Variants in STEAP4 observed in about 807,000 individuals in gnomAD.
STEAP4 encodes STEAP4 metalloreductase, also known as metalloreductase STEAP4.
STEAP4 carries 36 observed loss-of-function variants against 43.6 expected under a neutral mutation model. The observed-to-expected ratio is 0.83, with a 90% CI of 0.63 to 1.09. The LOEUF (loss-of-function observed/expected upper bound fraction) is 1.09. Ranked by LOEUF, STEAP4 falls within the 50% of genes least tolerant of loss-of-function variation. The pLI, the probability that STEAP4 is intolerant of heterozygous loss-of-function variation, is 0.00. For synonymous variants in STEAP4, 191 were observed against 196.7 expected, an observed-to-expected ratio of 0.97 and a Z score of 0.24; for missense variants, 495 against 546.5, an observed-to-expected ratio of 0.91 and a Z score of 0.94.
intron 4 of STEAP4, 29 bp downstream of exon 4, chr7:88,280,884 GAA>G: frequency 1.3e-6 from 2 of 1,506,404 alleles, no homozygotes; most frequent in Non-Finnish European, 8.9e-7. Flanking sequence ...GGAGCAAAAT[GAA>G]AAGTTAGGAA....
rs1053575081 is a variant in STEAP4, at chr7:88,278,241, T to C, written c.*1157A>G. The stretch of plus-strand genomic sequence containing the variant: ...GGGTACTATCAGCACAGAAAAACAG[T>C]GAGAACCATCCTAAATTTCAGCAAG... On this transcript the variant is annotated 3_prime_UTR_variant, in exon 5 of 5. Coordinates refer to ENST00000380079, the MANE Select transcript of STEAP4 (RefSeq NM_024636.4). 6.6e-6 allele frequency: 1 copy of C among 152,122 alleles called. No individual in the cohort carries two copies. The highest frequency in any genetic ancestry group is 6.6e-5 in the Admixed American group (1 of 15,262). 9.4% of individuals were successfully genotyped at this position (152,122 alleles called of 1,614,324 possible).
chr7:88,283,805 T>A lies in STEAP4; in HGVS notation c.456+9A>T. 2.5e-6 allele frequency: 4 copies of A among 1,600,864 alleles called. No homozygotes were observed. The highest frequency in any genetic ancestry group is 2.6e-6 in the Non-Finnish European group (3 of 1,172,642). On this transcript the variant is annotated intron_variant, in intron 2 of 4. Transcript: ENST00000380079. ...TTTAAAGATTGAGTGTAAATTTGTTTATTCTTACCTGCCGACTTGCATCCA... is the reference window on the plus strand; with the variant it reads ...TTTAAAGATTGAGTGTAAATTTGTTAATTCTTACCTGCCGACTTGCATCCA...
rs960609417 is a variant in STEAP4 at position 88,271,607 on chromosome 7, A to T, written c.*7791T>A. 1 of 152,238 alleles carries T rather than the reference A, an allele frequency of 6.6e-6. No homozygotes were observed. The highest frequency in any genetic ancestry group is 2.4e-5 in the African/African-American group (1 of 41,470). The allele number at this position is 152,238 out of a possible 1,614,324, so 9.4% of individuals were successfully genotyped here. On this transcript the variant is annotated 3_prime_UTR_variant, in exon 5 of 5. Coordinates refer to ENST00000380079, the MANE Select transcript of STEAP4 (RefSeq NM_024636.4). ...ATATTCTACTTTTACAATGTTATTC[A>T]TGAAAAACAAGAAAAACAAATAGCA...
At chr7:88,282,302 C>T (rs1436618689) in intron 3 of STEAP4, 1 of 229,588 alleles carries the variant, frequency 4.4e-6, no homozygotes, top group Admixed American at 5.4e-5. Flanking sequence ...GTACCCGCCA[C>T]CATGCCCAGC....
chr7:88,281,043 A>G lies in STEAP4; in HGVS notation c.1021T>C (p.Ser341Pro). The G allele has an allele frequency of 6.2e-7, 1 of 1,610,788 alleles. No homozygotes were observed. Among genetic ancestry groups the G allele is most frequent in the Non-Finnish European group, 8.5e-7 (1 of 1,178,976 alleles). The stretch of plus-strand genomic sequence containing the variant: ...ACATATGAATCACTGAGCCAGGCTG[A>G]GGAGGTGCTAAATGGATTCTCCTTC... ...LKKENPFSTS[S>P]AWLSDSYVAL... is the part of the protein sequence containing the mutation. The change falls in exon 4 of 5, where the codon TCA (serine) becomes CCA (proline). Residue 341 changes from serine (S) to proline (P), a missense_variant. Ser to Pro is a moderately conservative substitution (Grantham distance 74). Transcript: ENST00000380079.
chr7:88,280,778 G>A (rs895107565), intron 4 of STEAP4, 137 bp downstream of exon 4: 6 of 864,938 alleles, frequency 6.9e-6, no homozygotes, highest in Non-Finnish European at 1.8e-6. Context: ...ATCTTGGCGA[G>A]TATTAAGAAA....
intron 1 of STEAP4, among the ~76,000 whole-genome samples, chr7:88,289,946 T>C (rs1282163814): frequency 6.6e-6 from 1 of 152,224 alleles, no homozygotes; most frequent in Non-Finnish European, 1.5e-5. Context: ...GAACAATGCC[T>C]TCATTATTCT....
At chr7:88,295,373 G>T (rs1852907711) in intron 1 of STEAP4, among the ~76,000 whole-genome samples, 1 of 152,086 alleles carries the variant, frequency 6.6e-6, no homozygotes, top group Non-Finnish European at 1.5e-5. Context: ...CTCTGCAAAG[G>T]GTTACACTAG....
Position 88,279,191 on chromosome 7 carries a change from C to A in STEAP4, c.*207G>T. The stretch of plus-strand genomic sequence containing the variant: ...TAAGAGTCAGGGACCTGCACTGATT[C>A]TTCACTAACCTGAGATAAAATGGTG... On this transcript the variant is annotated 3_prime_UTR_variant, in exon 5 of 5. Transcript: ENST00000380079. The A allele has an allele frequency of 1.8e-6, 1 of 567,744 alleles. No individual in the cohort carries two copies. The highest frequency in any genetic ancestry group is 3.1e-6 in the Non-Finnish European group (1 of 319,248). The allele number at this position is 567,744 out of a possible 1,614,324, so 35.2% of individuals were successfully genotyped here. A position where few individuals can be genotyped will look rare whatever the true frequency, so the allele number is the denominator to read the frequency against.
chr7:88,282,340 G>T, intron 3 of STEAP4: 1 of 331,434 alleles, frequency 3.0e-6, no homozygotes, highest in Non-Finnish European at 5.5e-6. Flanking sequence ...GTAGAGATGG[G>T]GTTTCACCAT....
intron 1 of STEAP4, among the ~76,000 whole-genome samples, chr7:88,301,618 G>A (rs916236466): frequency 6.6e-6 from 1 of 150,868 alleles, no homozygotes; most frequent in Non-Finnish European, 1.5e-5. Flanking sequence ...GAGTGCGGTG[G>A]TGCCATCCTC....
At chr7:88,287,077 G>A (rs1852749574) in intron 1 of STEAP4, among the ~76,000 whole-genome samples, 1 of 152,140 alleles carries the variant, frequency 6.6e-6, no homozygotes, top group African/African-American at 2.4e-5. Context: ...AATAAATCAG[G>A]AGAAGGAAGG....
At position 88,284,144 on chromosome 7, in the gene STEAP4, A is replaced by T; in HGVS notation, c.126T>A (p.Gly42=). 1 of 1,614,174 alleles carries T rather than the reference A, an allele frequency of 6.2e-7. No individual in the cohort carries two copies. Among genetic ancestry groups the T allele is most frequent in the Non-Finnish European group, 8.5e-7 (1 of 1,180,034 alleles). ...TTCGACTTCCAAAAACAACAGAATA[A>T]CCACACTGGAGCATTTTCAATCCCA... ...RSLGLKMLQC[G]YSVVFGSRNP... Residue 42 remains glycine, a synonymous_variant, in exon 2 of 5, where the codon GGT becomes GGA. Transcript: ENST00000380079.
intron 1 of STEAP4, among the ~76,000 whole-genome samples, chr7:88,305,266 T>C (rs1193463682): frequency 6.6e-6 from 1 of 152,230 alleles, no homozygotes; most frequent in African/African-American, 2.4e-5. Context: ...TTTACAGCCT[T>C]GGAGCCTGAT....
chr7:88,300,125 T>C (rs566599792), intron 1 of STEAP4, among the ~76,000 whole-genome samples: 51 of 152,344 alleles, frequency 3.3e-4, no homozygotes, highest in African/African-American at 1.2e-3. Flanking sequence ...CCTTTTGTAA[T>C]ATTCTGATAT....
Position 88,283,128 on chromosome 7 carries a change from A to C in STEAP4, c.497T>G (p.Val166Gly). Residue 166 changes from valine to glycine, a missense_variant, in exon 3 of 5, where the codon GTG becomes GGG. Transcript: ENST00000380079. ...TCCAAGATTACGAACAATATCCATC[A>C]CTCTTTGCTTGGCTTTGCTGTCATT... ...CGNDSKAKQR[V>G]MDIVRNLGLT... 1 of 1,575,046 alleles carries C rather than the reference A, an allele frequency of 6.3e-7. No individual in the cohort carries two copies. Among genetic ancestry groups the C allele is most frequent in the Non-Finnish European group, 8.6e-7 (1 of 1,163,174 alleles).
At chr7:88,305,640 C>T (rs184356112) in intron 1 of STEAP4, among the ~76,000 whole-genome samples, 4 of 152,126 alleles carry the variant, frequency 2.6e-5, no homozygotes, top group Non-Finnish European at 4.4e-5. Flanking sequence ...AGACTCTTCC[C>T]CCGACAACTG....
At chr7:88,296,740 G>A (rs932427270) in intron 1 of STEAP4, among the ~76,000 whole-genome samples, 17 of 151,834 alleles carry the variant, frequency 1.1e-4, no homozygotes, top group African/African-American at 3.6e-4. Context: ...AAACACAAAC[G>A]TATCCAATTT....
At position 88,279,087 on chromosome 7, in the gene STEAP4, TGTTGCCCATAACAAG is replaced by T. The variant is rs1194030001; in HGVS notation, c.*296_*310del. 2.0e-5 allele frequency: 7 copies of T among 353,112 alleles called. 1 individual carries two copies. Among genetic ancestry groups the T allele is most frequent in the South Asian group, 1.4e-4 (5 of 36,556 alleles). 21.9% of individuals were successfully genotyped at this position (353,112 alleles called of 1,614,324 possible). On this transcript the variant is annotated 3_prime_UTR_variant, in exon 5 of 5. Coordinates refer to ENST00000380079, the MANE Select transcript of STEAP4 (RefSeq NM_024636.4). The stretch of plus-strand genomic sequence containing the variant: ...ATTTTGCAAGACATTAGGTCATGCA[TGTTGCCCATAACAAG>T]GAAACTCTTTAGTGTGAAACCACAA...
Sources: allele counts gnomAD v4.1 joint callset (sites outside exome capture counted in the v4.1 genomes callset), GRCh38; gene constraint gnomAD v4.1.1; transcripts MANE v1.5; gene names NCBI Gene and HGNC (gene_info 2026-07-23, HGNC 2026-07-21).